SMYD2: variants seen among roughly 807,000 people sequenced by gnomAD.
The protein encoded by SMYD2 is N-lysine methyltransferase SMYD2.
A neutral mutation model predicts 59.1 loss-of-function variants in SMYD2; 53 were observed. That is an observed-to-expected ratio of 0.90 (90% CI 0.72 to 1.13). The LOEUF is 1.13. Ranked by LOEUF, SMYD2 falls within the 50% of genes most tolerant of loss-of-function variation. The probability of loss-of-function intolerance (pLI) is 0.00; values close to 1 mark genes in which losing one functional copy is unlikely to be tolerated. For synonymous variants in SMYD2, 208 were observed against 198.8 expected, an observed-to-expected ratio of 1.05 and a Z score of -0.39; for missense variants, 494 against 544.7, an observed-to-expected ratio of 0.91 and a Z score of 0.93.
rs1277717446 is a variant in SMYD2, at chr1:214,312,475, A to G, written c.238-2287A>G. ...TGCTCAGGTGGTGAGAAGTACTAAG[A>G]AGCAGCAGAAAGCAAGGAAAGGAAG... On this transcript the variant is annotated intron_variant, in intron 2 of 11. Transcript: ENST00000366957. The surrounding 1 kb of genome is among the most constrained non-coding windows in gnomAD (Gnocchi z 4.1). Among the ~76,000 whole-genome samples the G allele has an allele frequency of 1.3e-5, 2 of 152,214 alleles. No individual in the cohort carries two copies. The highest frequency in any genetic ancestry group is 4.8e-5 in the African/African-American group (2 of 41,454).
At chr1:214,322,693 G>T (rs1415024034) in intron 5 of SMYD2, among the ~76,000 whole-genome samples, 1 of 152,154 alleles carries the variant, frequency 6.6e-6, no homozygotes, top group Non-Finnish European at 1.5e-5. Flanking sequence ...GAAGAAACCA[G>T]AGTTGCTGTT....
At chr1:214,328,834 C>T (rs1657303240) in intron 7 of SMYD2, among the ~76,000 whole-genome samples, 2 of 152,126 alleles carry the variant, frequency 1.3e-5, no homozygotes, top group South Asian at 4.1e-4. Flanking sequence ...TCTGAGTTTC[C>T]AAAGGTCTTA....
At chr1:214,319,879 C>T (rs1414060697) in intron 5 of SMYD2, among the ~76,000 whole-genome samples, 1 of 152,236 alleles carries the variant, frequency 6.6e-6, no homozygotes, top group East Asian at 1.9e-4. Context: ...ATGAAGTGGA[C>T]ACCTCCATGG....
intron 1 of SMYD2, among the ~76,000 whole-genome samples, chr1:214,289,474 T>C (rs931051166): frequency 3.3e-5 from 5 of 152,202 alleles, no homozygotes; most frequent in Non-Finnish European, 5.9e-5. Context: ...ACACACATCT[T>C]TTTTTGGACC....
intron 1 of SMYD2, among the ~76,000 whole-genome samples, chr1:214,285,094 G>A (rs923319581): frequency 1.3e-5 from 2 of 152,064 alleles, no homozygotes; most frequent in Admixed American, 6.6e-5. Context: ...AGTGAATTTC[G>A]GTCATGTCTG....
intron 6 of SMYD2, among the ~76,000 whole-genome samples, chr1:214,325,926 A>G (rs1657253301): frequency 6.6e-6 from 1 of 151,936 alleles, no homozygotes; most frequent in East Asian, 1.9e-4. Flanking sequence ...AAAAGACTAA[A>G]AGATTAAGAG....
At chr1:214,289,278 G>A (rs1242108543) in intron 1 of SMYD2, among the ~76,000 whole-genome samples, 1 of 152,048 alleles carries the variant, frequency 6.6e-6, no homozygotes, top group Admixed American at 6.6e-5. Flanking sequence ...ACTGTATTTG[G>A]GTGTTTTAGG....
chr1:214,304,579 A>AAAAG (rs1656886599), intron 1 of SMYD2, among the ~76,000 whole-genome samples: 1 of 151,400 alleles, frequency 6.6e-6, no homozygotes, highest in Non-Finnish European at 1.5e-5. Context: ...AAAAAAAAAA[A>AAAAG]AAAGCATCTA....
chr1:214,301,924 A>G (rs544182972), intron 1 of SMYD2, among the ~76,000 whole-genome samples: 1 of 152,330 alleles, frequency 6.6e-6, no homozygotes, highest in South Asian at 2.1e-4. Flanking sequence ...ACTTCACTAT[A>G]CAATGCCAAA....
At chr1:214,305,015 G>T (rs1196942807) in intron 1 of SMYD2, among the ~76,000 whole-genome samples, 172 bp from the exon 2 acceptor site, 1 of 152,128 alleles carries the variant, frequency 6.6e-6, no homozygotes, top group African/African-American at 2.4e-5. Flanking sequence ...CACTCCTCAA[G>T]GGCTGAATCT....
At chr1:214,321,398 T>C (rs565386055) in intron 5 of SMYD2, among the ~76,000 whole-genome samples, 114 of 149,176 alleles carry the variant, frequency 7.6e-4, no homozygotes, top group African/African-American at 2.5e-3. Context: ...TTCACACAAA[T>C]ACACACACAT....
intron 1 of SMYD2, among the ~76,000 whole-genome samples, chr1:214,298,233 AC>A (rs1229939304): frequency 3.9e-5 from 6 of 152,034 alleles, no homozygotes; most frequent in Non-Finnish European, 8.8e-5. Flanking sequence ...GGAATAGAGA[AC>A]CCAGAAGTAA....
At chr1:214,329,179 G>A (rs1657310592) in intron 7 of SMYD2, among the ~76,000 whole-genome samples, 1 of 152,162 alleles carries the variant, frequency 6.6e-6, no homozygotes, top group African/African-American at 2.4e-5. Flanking sequence ...AGTGCTTTGG[G>A]GATTACTTAC....
intron 5 of SMYD2, among the ~76,000 whole-genome samples, chr1:214,319,709 C>T (rs1322019598): frequency 1.3e-5 from 2 of 151,914 alleles, no homozygotes; most frequent in East Asian, 1.9e-4. Flanking sequence ...GTGGCTCTTC[C>T]TGGCCTGACT....
At chr1:214,299,448 A>G (rs959122612) in intron 1 of SMYD2, among the ~76,000 whole-genome samples, 3 of 118,414 alleles carry the variant, frequency 2.5e-5, no homozygotes, top group Non-Finnish European at 5.2e-5. Flanking sequence ...TCAACAGTGA[A>G]CTGGATAAAG....
chr1:214,290,798 A>T (rs1294614609), intron 1 of SMYD2, among the ~76,000 whole-genome samples: 1 of 152,216 alleles, frequency 6.6e-6, no homozygotes, highest in Non-Finnish European at 1.5e-5. Context: ...GGAAGGAGTT[A>T]TGTTGAAATC....
Position 214,336,823 on chromosome 1 carries a change from T to C in SMYD2, c.*39T>C. The stretch of plus-strand genomic sequence containing the variant: ...TTCAGTTTTCATTTAAACACTTAGT[T>C]CAGAAACCTTAAAGGATTTGAATAT... On this transcript the variant is annotated 3_prime_UTR_variant, in exon 12 of 12. Coordinates refer to ENST00000366957, the MANE Select transcript of SMYD2 (RefSeq NM_020197.3). 6.5e-7 allele frequency: 1 copy of C among 1,547,592 alleles called. No homozygotes were observed. Among genetic ancestry groups the C allele is most frequent in the Non-Finnish European group, 8.9e-7 (1 of 1,126,348 alleles).
At chr1:214,327,580 C>A in intron 6 of SMYD2, 42 bp from the exon 7 acceptor site, 5 of 1,513,172 alleles carry the variant, frequency 3.3e-6, no homozygotes, top group Non-Finnish European at 4.6e-6. Context: ...AACAGTCTGC[C>A]TATCTCATTT....
At chr1:214,310,503 ATTTTTTT>A (rs10699247) in intron 2 of SMYD2, among the ~76,000 whole-genome samples, 1 of 136,422 alleles carries the variant, frequency 7.3e-6, no homozygotes, top group Admixed American at 7.5e-5. Flanking sequence ...TATTTTATTA[ATTTTTTT>A]TTTTTTTTTT....
Sources: gnomAD v4.1 joint callset for allele counts (sites outside exome capture counted in the v4.1 genomes callset) on GRCh38, gnomAD v4.1.1 for gene constraint, Gnocchi (gnomAD v3.1) non-coding constraint, MANE v1.5 for transcripts, NCBI Gene and HGNC (gene_info 2026-07-23, HGNC 2026-07-21) for gene names.